Variants in RFFL observed in about 807,000 individuals in gnomAD.
RFFL encodes the protein E3 ubiquitin-protein ligase rififylin.
A neutral mutation model predicts 40.4 loss-of-function variants in RFFL; 16 were observed. The observed-to-expected ratio is 0.40, with a 90% CI of 0.27 to 0.60. RFFL has a LOEUF of 0.60. Among genes scored for constraint, RFFL ranks in the 20% least tolerant of loss-of-function variants. The pLI is 0.47. For synonymous variants in RFFL, 154 were observed against 167.9 expected (o/e 0.92, Z 0.64); for missense variants, 367 against 451.7 (o/e 0.81, Z 1.70).
rs1270186611 is a variant in RFFL, at chr17:35,010,773, T to TG, written c.*1194dup. ...AAAAAAAAAAAAAATGCTTTCTCCC[T>TG]GACCTGCCCCCAAAAATCAGTGGGC... On this transcript the variant is annotated 3_prime_UTR_variant, in exon 7 of 7. Transcript: ENST00000394597. 1 of 148,316 alleles carries TG rather than the reference T, an allele frequency of 6.7e-6. No homozygotes were observed. Among genetic ancestry groups the TG allele is most frequent in the African/African-American group, 2.5e-5 (1 of 40,228 alleles). 9.2% of individuals were successfully genotyped at this position (148,316 alleles called of 1,614,324 possible).
At chr17:35,082,789 T>C (rs1021640519) in intron 1 of RFFL, among the ~76,000 whole-genome samples, 8 of 152,196 alleles carry the variant, frequency 5.3e-5, no homozygotes, top group Non-Finnish European at 7.3e-5. Flanking sequence ...TTAATCCACA[T>C]AACAATCCTA....
chr17:35,087,314 G>T (rs1196656717), intron 1 of RFFL, among the ~76,000 whole-genome samples: 2 of 151,682 alleles, frequency 1.3e-5, no homozygotes, highest in Non-Finnish European at 1.5e-5. Context: ...TTACGCCACT[G>T]CACGCCAGTC....
At chr17:35,049,146 C>T (rs1183695606) in intron 1 of RFFL, among the ~76,000 whole-genome samples, 1 of 152,154 alleles carries the variant, frequency 6.6e-6, no homozygotes, top group East Asian at 1.9e-4. Context: ...AAAAAGACAC[C>T]TGTGCTGATA....
chr17:35,072,697 T>C (rs900447530), intron 1 of RFFL, among the ~76,000 whole-genome samples: 2 of 151,822 alleles, frequency 1.3e-5, no homozygotes, highest in African/African-American at 2.4e-5. Flanking sequence ...GGGAACTGTG[T>C]AGTGTTTTTG....
intron 1 of RFFL, among the ~76,000 whole-genome samples, chr17:35,041,581 C>T (rs567794364): frequency 7.7e-6 from 1 of 129,896 alleles, no homozygotes; most frequent in Admixed American, 7.0e-5. Context: ...TGTGAAGAAC[C>T]GAAAGGTAGT....
At chr17:35,030,538 G>C (rs903054260) in intron 1 of RFFL, among the ~76,000 whole-genome samples, 3 of 152,004 alleles carry the variant, frequency 2.0e-5, no homozygotes, top group African/African-American at 4.8e-5. Context: ...CTGACCTCAT[G>C]ATCTGCCCAC....
intron 1 of RFFL, among the ~76,000 whole-genome samples, chr17:35,060,798 G>A (rs1379627120): frequency 1.3e-5 from 2 of 152,120 alleles, no homozygotes; most frequent in Admixed American, 6.5e-5. Context: ...GGAGATCCAC[G>A]TCAGCCACTC....
intron 1 of RFFL, among the ~76,000 whole-genome samples, chr17:35,034,756 C>T (rs561711514): frequency 8.0e-4 from 122 of 152,094 alleles, no homozygotes; most frequent in Non-Finnish European, 1.4e-3. Context: ...AAACTCCTGA[C>T]CTCAGGTGAT....
chr17:35,052,345 A>C (rs1025479861), intron 1 of RFFL, among the ~76,000 whole-genome samples: 7 of 152,200 alleles, frequency 4.6e-5, no homozygotes, highest in Non-Finnish European at 8.8e-5. Flanking sequence ...TCTTTTATTA[A>C]GATGTTAATG....
chr17:35,069,093 G>GA (rs765013853), intron 1 of RFFL, among the ~76,000 whole-genome samples: 1 of 152,104 alleles, frequency 6.6e-6, no homozygotes, highest in East Asian at 1.9e-4. Context: ...CATACTCTCA[G>GA]AAAAAAGATT....
At chr17:35,039,409 G>A (rs1035552778) in intron 1 of RFFL, among the ~76,000 whole-genome samples, 3 of 151,734 alleles carry the variant, frequency 2.0e-5, no homozygotes, top group South Asian at 2.1e-4. Flanking sequence ...TAGTAGAGAC[G>A]GCGTTTCACC....
At chr17:35,026,035 T>C (rs2091038561) in intron 2 of RFFL, among the ~76,000 whole-genome samples, 1 of 152,260 alleles carries the variant, frequency 6.6e-6, no homozygotes, top group Non-Finnish European at 1.5e-5. Flanking sequence ...CATGGCTTTC[T>C]TGTCTCACTT....
chr17:35,023,836 C>G (rs1435306887), intron 2 of RFFL, among the ~76,000 whole-genome samples: 1 of 152,176 alleles, frequency 6.6e-6, no homozygotes, highest in African/African-American at 2.4e-5. Context: ...TCTATGCACC[C>G]GCTGGCTCAC....
rs538703369 is a variant in RFFL at position 35,084,695 on chromosome 17, GCCTGGCCAATGTAGTGAAAAC to G, written c.-9+4389_-9+4409del. On this transcript the variant is annotated intron_variant, in intron 1 of 6. Transcript: ENST00000315249. ...ACATGAGGTCAGGAGTTCAAGATCA[GCCTGGCCAATGTAGTGAAAAC>G]CCGTCTCTACTAAAAAAAAAAATGC... Among the ~76,000 whole-genome samples, 156 of 151,636 alleles carry G rather than the reference GCCTGGCCAATGTAGTGAAAAC, an allele frequency of 1.0e-3. 1 individual carries two copies. Among genetic ancestry groups the G allele is most frequent in the African/African-American group, 3.7e-3 (153 of 41,214 alleles).
chr17:35,084,207 T>C (rs998667265), intron 1 of RFFL, among the ~76,000 whole-genome samples: 9 of 152,068 alleles, frequency 5.9e-5, no homozygotes, highest in Non-Finnish European at 1.0e-4. Context: ...CCACGCACTC[T>C]AGCCTGGGTG....
At position 35,009,957 on chromosome 17, in the gene RFFL, G is replaced by A. The variant is rs1040071129; in HGVS notation, c.*2011C>T. 1 of 152,658 alleles carries A rather than the reference G, an allele frequency of 6.6e-6. No individual in the cohort carries two copies. 9.5% of individuals were successfully genotyped at this position (152,658 alleles called of 1,614,324 possible). ...ATAGTATTTACTGCCCATGACAAAA[G>A]TGGAAAGGGATGTCTTCATGAGCAA... is the stretch of plus-strand genomic sequence containing the variant. On this transcript the variant is annotated 3_prime_UTR_variant, in exon 7 of 7. Coordinates refer to ENST00000394597, the MANE Select transcript of RFFL (RefSeq NM_001017368.2).
intron 1 of RFFL, among the ~76,000 whole-genome samples, chr17:35,083,413 C>T (rs758362274): frequency 1.1e-4 from 17 of 152,168 alleles, no homozygotes; most frequent in Non-Finnish European, 2.4e-4. Context: ...TCCTGGATAG[C>T]ATAACGATTC....
intron 6 of RFFL, among the ~76,000 whole-genome samples, chr17:35,012,470 T>C (rs935073543): frequency 6.6e-6 from 1 of 152,220 alleles, no homozygotes; most frequent in African/African-American, 2.4e-5. Flanking sequence ...ATTTTCAGAC[T>C]GTTGGGGCTG....
At chr17:35,013,889 T>C (rs1053104866) in intron 6 of RFFL, among the ~76,000 whole-genome samples, 2 of 152,074 alleles carry the variant, frequency 1.3e-5, no homozygotes, top group Non-Finnish European at 2.9e-5. Context: ...CAAATGGTTT[T>C]GGGGAATTGA....
Sources: gnomAD v4.1 joint callset for allele counts (sites outside exome capture counted in the v4.1 genomes callset) on GRCh38, gnomAD v4.1.1 for gene constraint, MANE v1.5 for transcripts, NCBI Gene and HGNC (gene_info 2026-07-23, HGNC 2026-07-21) for gene names.